Variants in FIGNL2 observed in about 807,000 individuals in gnomAD.
FIGNL2 encodes fidgetin like 2.
For synonymous variants in FIGNL2, 565 were observed against 484.0 expected, an observed-to-expected ratio of 1.17 and a Z score of -2.20; for missense variants, 1,060 against 950.2, an observed-to-expected ratio of 1.12 and a Z score of -1.52.
intron 1 of FIGNL2, among the ~76,000 whole-genome samples, chr12:51,839,915 T>C (rs1016123746): frequency 1.3e-5 from 2 of 152,138 alleles, no homozygotes; most frequent in Non-Finnish European, 2.9e-5. Context: ...TGACACACAG[T>C]GGTAGAAAGA....
chr12:51,848,019 T>C, intron 1 of FIGNL2: 2 of 714,166 alleles, frequency 2.8e-6, no homozygotes, highest in Non-Finnish European at 1.7e-6. Context: ...AGCCTCGGCC[T>C]CCTGTCACTG....
chr12:51,848,436 C>A, intron 1 of FIGNL2, 104 bp downstream of exon 1: 1 of 982,442 alleles, frequency 1.0e-6, no homozygotes, highest in Non-Finnish European at 1.2e-6. Context: ...CAGCCCCCGC[C>A]CTCTCGGCCC....
At chr12:51,833,109 G>A (rs975808950) in intron 1 of FIGNL2, among the ~76,000 whole-genome samples, 8 of 152,058 alleles carry the variant, frequency 5.3e-5, no homozygotes, top group East Asian at 1.9e-4. Flanking sequence ...GTGCAGCGGC[G>A]TGATCACGGC....
intron 1 of FIGNL2, chr12:51,847,182 T>A (rs1939769719): frequency 3.0e-6 from 3 of 985,144 alleles, no homozygotes; most frequent in African/African-American, 3.5e-5. Context: ...TCGGGGAGGC[T>A]TTAGGAGGAT....
intron 1 of FIGNL2, among the ~76,000 whole-genome samples, chr12:51,829,885 A>G (rs891634362): frequency 3.3e-5 from 5 of 151,984 alleles, no homozygotes; most frequent in Admixed American, 2.6e-4. Context: ...GGGAAGGAGG[A>G]AGGAAGGAAG....
rs1370794739 is a variant in FIGNL2 at position 51,820,770 on chromosome 12, G to A, written c.1644C>T (p.Arg548=). The A allele has an allele frequency of 6.7e-7, 1 of 1,483,128 alleles. No individual in the cohort carries two copies. Among genetic ancestry groups the A allele is most frequent in the Non-Finnish European group, 8.9e-7 (1 of 1,125,548 alleles). 91.9% of individuals were successfully genotyped at this position (1,483,128 alleles called of 1,614,324 possible). A position where few individuals can be genotyped will look rare whatever the true frequency, so the allele number is the denominator to read the frequency against. ...GCGCCACGTAGAAGCGGAGAGAGAA[G>A]CGCCGGCGGGTCGCCTCGTCCAGAG... The part of the protein sequence containing the change: ...PAALDEATRR[R]FSLRFYVALP... The change falls in exon 2 of 2, where the codon CGC becomes CGT. Residue 548 remains arginine, a synonymous_variant. Coordinates refer to ENST00000618634, the MANE Select transcript of FIGNL2 (RefSeq NM_001384995.1).
rs1017621902 is a variant in FIGNL2 at position 51,819,525 on chromosome 12, T to G, written c.*927A>C. The G allele has an allele frequency of 2.6e-5, 4 of 152,552 alleles. No individual in the cohort carries two copies. Among genetic ancestry groups the G allele is most frequent in the African/African-American group, 9.7e-5 (4 of 41,368 alleles). 9.4% of individuals were successfully genotyped at this position (152,552 alleles called of 1,614,324 possible). A position where few individuals can be genotyped will look rare whatever the true frequency, so the allele number is the denominator to read the frequency against. On this transcript the variant is annotated 3_prime_UTR_variant, in exon 2 of 2. Coordinates refer to ENST00000618634, the MANE Select transcript of FIGNL2 (RefSeq NM_001384995.1). ...TCATTTTTTGAGTGTCTGGGAGAATTTGGTCCCCTGGATGGAGTGGGGGGG... is the reference window on the plus strand; with the variant it reads ...TCATTTTTTGAGTGTCTGGGAGAATGTGGTCCCCTGGATGGAGTGGGGGGG...
At chr12:51,829,060 G>A (rs955650240) in intron 1 of FIGNL2, among the ~76,000 whole-genome samples, 8 of 152,206 alleles carry the variant, frequency 5.3e-5, no homozygotes, top group African/African-American at 1.9e-4. Context: ...CTGGGCTGGG[G>A]GCAGGGTAGG....
chr12:51,839,800 C>T (rs1352727238), intron 1 of FIGNL2, among the ~76,000 whole-genome samples: 2 of 152,320 alleles, frequency 1.3e-5, no homozygotes, highest in East Asian at 3.9e-4. Flanking sequence ...TCAGCCAGCC[C>T]CTGTCTGTGA....
intron 1 of FIGNL2, chr12:51,845,497 TC>T (rs1939735145): frequency 1.6e-5 from 16 of 985,076 alleles, no homozygotes; most frequent in Non-Finnish European, 1.8e-5. Context: ...GAAGGGGGTC[TC>T]AGGGCTGCAG....
intron 1 of FIGNL2, chr12:51,847,098 C>G: frequency 1.0e-6 from 1 of 985,386 alleles, no homozygotes; most frequent in Non-Finnish European, 1.2e-6. Context: ...CACCACAGCA[C>G]CGGGCAGCCC....
chr12:51,845,791 G>T (rs1305256160), intron 1 of FIGNL2: 4 of 384,400 alleles, frequency 1.0e-5, no homozygotes, highest in Admixed American at 6.4e-5. Flanking sequence ...GAGAGTCGGG[G>T]GAGTCCTGGC....
intron 1 of FIGNL2, among the ~76,000 whole-genome samples, chr12:51,830,682 G>A (rs753518331): frequency 1.2e-4 from 18 of 151,798 alleles, no homozygotes; most frequent in Admixed American, 2.6e-4. Context: ...TAGTAGAGAT[G>A]GGGTTTCACC....
In FIGNL2 at chr12:51,822,301, C is replaced by T; in HGVS notation, c.113G>A (p.Gly38Asp). 6.2e-7 allele frequency: 1 copy of T among 1,612,012 alleles called. No homozygotes were observed. Among genetic ancestry groups the T allele is most frequent in the Non-Finnish European group, 8.5e-7 (1 of 1,179,220 alleles). The stretch of plus-strand genomic sequence containing the variant: ...CCAAGCGTAGTGGCAGCGTTGGCGA[C>T]CCCCAGGGGGCAACTCCAACTTGTG... Reference protein sequence around the residue: ...PAHKLELPPGGRQRCHYAWAH... With the variant: ...PAHKLELPPGDRQRCHYAWAH... Residue 38 changes from glycine to aspartate, a missense_variant, in exon 2 of 2, where the codon GGT becomes GAT. Gly to Asp is a moderately conservative substitution (Grantham distance 94). Coordinates refer to ENST00000618634, the MANE Select transcript of FIGNL2 (RefSeq NM_001384995.1).
At chr12:51,833,848 T>C (rs1939518401) in intron 1 of FIGNL2, among the ~76,000 whole-genome samples, 1 of 152,218 alleles carries the variant, frequency 6.6e-6, no homozygotes, top group African/African-American at 2.4e-5. Flanking sequence ...AGAAAGTTCA[T>C]GAGAGCAGGG....
At chr12:51,843,974 A>C (rs1258321158) in intron 1 of FIGNL2, among the ~76,000 whole-genome samples, 1 of 151,810 alleles carries the variant, frequency 6.6e-6, no homozygotes, top group Non-Finnish European at 1.5e-5. Context: ...TCACACACAC[A>C]TGCCCTTTCC....
chr12:51,825,975 C>G (rs757101979), intron 1 of FIGNL2: 6 of 152,184 alleles, frequency 3.9e-5, no homozygotes, highest in Non-Finnish European at 8.8e-5. Flanking sequence ...CCTTCATTAC[C>G]TGGCCCTTCC....
chr12:51,826,925 C>T (rs559241273), intron 1 of FIGNL2, among the ~76,000 whole-genome samples: 5 of 152,346 alleles, frequency 3.3e-5, no homozygotes, highest in South Asian at 2.1e-4. Context: ...TACAGATGTG[C>T]GCAGCTGCAG....
intron 1 of FIGNL2, among the ~76,000 whole-genome samples, chr12:51,829,099 AG>A (rs1939402400): frequency 6.6e-6 from 1 of 152,228 alleles, no homozygotes; most frequent in Non-Finnish European, 1.5e-5. Flanking sequence ...AGTCGGCTCC[AG>A]GCCGGTGTGG....
Sources: gnomAD v4.1 joint callset for allele counts (sites outside exome capture counted in the v4.1 genomes callset) on GRCh38, gnomAD v4.1.1 for gene constraint, MANE v1.5 for transcripts, NCBI Gene and HGNC (gene_info 2026-07-23, HGNC 2026-07-21) for gene names.